Variants in LDLRAD4 observed in about 807,000 individuals in gnomAD.
LDLRAD4 encodes low-density lipoprotein receptor class A domain-containing protein 4.
Under a neutral mutation model 17.0 loss-of-function variants are expected in LDLRAD4, and 5 were observed. That is an observed-to-expected ratio of 0.29 (90% CI 0.15 to 0.62). LDLRAD4 has a LOEUF of 0.62. Ranked by LOEUF, LDLRAD4 falls within the 20% of genes least tolerant of loss-of-function variation. The pLI is 0.84. For synonymous variants in LDLRAD4, 168 were observed against 171.8 expected, an observed-to-expected ratio of 0.98 and a Z score of 0.17; for missense variants, 340 against 424.7, an observed-to-expected ratio of 0.80 and a Z score of 1.75.
chr18:13,443,709 T>TCTCCTC (rs557743448), intron 3 of LDLRAD4, among the ~76,000 whole-genome samples: 4,346 of 151,394 alleles, frequency 0.029, 211 homozygotes, highest in African/African-American at 0.1. Flanking sequence ...GTCGTCGTCG[T>TCTCCTC]CTCCTCCTCC....
intron 1 of LDLRAD4, among the ~76,000 whole-genome samples, chr18:13,279,242 T>G (rs948549796): frequency 1.3e-5 from 2 of 152,250 alleles, no homozygotes; most frequent in African/African-American, 4.8e-5. Context: ...TGCTTGTTAT[T>G]CACACGATCC....
intron 3 of LDLRAD4, among the ~76,000 whole-genome samples, chr18:13,527,131 C>G (rs1423206992): frequency 6.6e-6 from 1 of 152,218 alleles, no homozygotes; most frequent in African/African-American, 2.4e-5. Flanking sequence ...CTGTAAGACA[C>G]CATTAAGTTT....
intron 3 of LDLRAD4, among the ~76,000 whole-genome samples, chr18:13,536,711 T>TA (rs1203020824): frequency 6.6e-6 from 1 of 152,188 alleles, no homozygotes; most frequent in Non-Finnish European, 1.5e-5. Context: ...TCATGTAAGA[T>TA]AAAAAGCAAG....
At chr18:13,407,070 G>A (rs542302327) in intron 2 of LDLRAD4, among the ~76,000 whole-genome samples, 10 of 152,316 alleles carry the variant, frequency 6.6e-5, no homozygotes, top group East Asian at 1.9e-4. Context: ...AACAAAGTGC[G>A]TGGCGGTATG....
At chr18:13,641,062 T>A (rs1052176088) in intron 4 of LDLRAD4, among the ~76,000 whole-genome samples, 2 of 152,208 alleles carry the variant, frequency 1.3e-5, no homozygotes, top group African/African-American at 4.8e-5. Flanking sequence ...TGTAGTTTTT[T>A]AAAGTACACA....
chr18:13,353,912 T>G (rs75109344), intron 1 of LDLRAD4, among the ~76,000 whole-genome samples: 5,249 of 152,348 alleles, frequency 0.034, 132 homozygotes, highest in Non-Finnish European at 0.054. Context: ...TCTCTAGTTG[T>G]TTTTCTTTAA....
chr18:13,276,847 T>C (rs544110226), upstream of LDLRAD4, among the ~76,000 whole-genome samples: 4 of 152,292 alleles, frequency 2.6e-5, no homozygotes, highest in South Asian at 2.1e-4. Flanking sequence ...TGTAAGCAAT[T>C]TGGGGAGTCA....
At chr18:13,393,792 T>G (rs1007999286) in intron 2 of LDLRAD4, among the ~76,000 whole-genome samples, 3 of 152,168 alleles carry the variant, frequency 2.0e-5, no homozygotes, top group East Asian at 1.9e-4. Context: ...AGAGTTGCCT[T>G]CCTTCATTCT....
At chr18:13,231,444 G>A (rs374589446) in intron 1 of LDLRAD4, among the ~76,000 whole-genome samples, 1 of 152,176 alleles carries the variant, frequency 6.6e-6, no homozygotes, top group Non-Finnish European at 1.5e-5. Flanking sequence ...CGTGAGTCTG[G>A]TTCTGGTGTG....
intron 1 of LDLRAD4, chr18:13,234,938 T>C (rs2042261527): frequency 6.6e-6 from 1 of 152,202 alleles, no homozygotes; most frequent in African/African-American, 2.4e-5. Flanking sequence ...TAGAAACCAA[T>C]TTATCAAGCT....
chr18:13,515,257 A>G (rs751676214), intron 3 of LDLRAD4: 2 of 152,256 alleles, frequency 1.3e-5, no homozygotes, highest in Non-Finnish European at 2.9e-5. Flanking sequence ...TAAAGAAACC[A>G]AAATCCTTGG....
At chr18:13,413,067 G>A (rs12962774) in intron 2 of LDLRAD4, among the ~76,000 whole-genome samples, 27,423 of 152,208 alleles carry the variant, frequency 0.18, 3,041 homozygotes, top group East Asian at 0.26. Context: ...CCAGCAGGAA[G>A]GGCTCCTCTT....
At chr18:13,452,947 G>C (rs1002639023) in intron 3 of LDLRAD4, among the ~76,000 whole-genome samples, 2 of 152,092 alleles carry the variant, frequency 1.3e-5, no homozygotes, top group African/African-American at 4.8e-5. Context: ...GGGGACCACG[G>C]GGGATGCTAC....
chr18:13,450,982 A>G (rs924884510), intron 3 of LDLRAD4, among the ~76,000 whole-genome samples: 9 of 152,178 alleles, frequency 5.9e-5, no homozygotes, highest in Admixed American at 4.6e-4. Flanking sequence ...ATTCTCTTTC[A>G]TGAAGGAAGT....
At chr18:13,511,664 A>G (rs1164338526) in intron 3 of LDLRAD4, among the ~76,000 whole-genome samples, 2 of 152,232 alleles carry the variant, frequency 1.3e-5, no homozygotes, top group Admixed American at 6.5e-5. Context: ...ACTGACTTGA[A>G]TGGACGGGGA....
chr18:13,223,753 G>T (rs1294399869), intron 1 of LDLRAD4, among the ~76,000 whole-genome samples: 1 of 152,222 alleles, frequency 6.6e-6, no homozygotes, highest in Non-Finnish European at 1.5e-5. Flanking sequence ...TCTGAGGGCT[G>T]CCATACACTG....
intron 3 of LDLRAD4, among the ~76,000 whole-genome samples, chr18:13,602,607 C>T (rs1173597471): frequency 6.9e-6 from 1 of 144,432 alleles, no homozygotes; most frequent in Admixed American, 7.4e-5. Context: ...CAAGGAATTT[C>T]TAACTAATTT....
chr18:13,502,153 T>G lies in LDLRAD4; in HGVS notation c.181+63769T>G, dbSNP rs1031764600. Among the ~76,000 whole-genome samples, 3 of 152,260 alleles carry G rather than the reference T, an allele frequency of 2.0e-5. No individual in the cohort carries two copies. In the East Asian group the frequency reaches 5.8e-4, roughly 29 times the overall value. ...GTACGGAAAACCATTTCAGCTGCTCTGATTGTCAGCTCTCCTGTGTTTTCT... is the reference window on the plus strand; with the variant it reads ...GTACGGAAAACCATTTCAGCTGCTCGGATTGTCAGCTCTCCTGTGTTTTCT... On this transcript the variant is annotated intron_variant, in intron 3 of 5. Transcript: ENST00000359446.
At chr18:13,311,524 C>T (rs2047231892) in intron 1 of LDLRAD4, among the ~76,000 whole-genome samples, 2 of 152,196 alleles carry the variant, frequency 1.3e-5, no homozygotes, top group South Asian at 4.1e-4. Context: ...GTGTCATCCT[C>T]AGAACGCCGG....
Sources: gnomAD v4.1 joint callset for allele counts (sites outside exome capture counted in the v4.1 genomes callset) on GRCh38, gnomAD v4.1.1 for gene constraint, MANE v1.5 for transcripts, NCBI Gene and HGNC (gene_info 2026-07-23, HGNC 2026-07-21) for gene names.